MYO16: variants seen among roughly 807,000 people sequenced by gnomAD.
The protein encoded by MYO16 is myosin XVI.
A neutral mutation model predicts 205.3 loss-of-function variants in MYO16; 94 were observed. That is an observed-to-expected ratio of 0.46 (90% CI 0.39 to 0.54). The LOEUF is 0.54. Ranked by LOEUF, MYO16 falls within the 20% of genes least tolerant of loss-of-function variation. MYO16 has a pLI of 0.00. For missense variants in MYO16, 2,315 were observed against 2,387.5 expected (o/e 0.97, Z 0.63); for synonymous variants, 988 against 954.0 (o/e 1.04, Z -0.66).
upstream of MYO16, among the ~76,000 whole-genome samples, chr13:108,593,237 G>A (rs1878451293): frequency 1.3e-5 from 2 of 152,114 alleles, no homozygotes; most frequent in African/African-American, 4.8e-5. Flanking sequence ...TAAAATAAAC[G>A]AAAATGCTCA....
intron 31 of MYO16, among the ~76,000 whole-genome samples, chr13:109,137,189 C>T (rs998895975): frequency 1.3e-5 from 2 of 152,132 alleles, no homozygotes; most frequent in Non-Finnish European, 2.9e-5. Flanking sequence ...GTGTACAGGC[C>T]TGTACATGGA....
chr13:108,552,118 G>A, the MYO16 span, among the ~76,000 whole-genome samples: 1 of 152,190 alleles, frequency 6.6e-6, no homozygotes, highest in African/African-American at 2.4e-5. Flanking sequence ...TCCATGGATA[G>A]AAGGTGTTTT....
At chr13:108,647,149 A>T (rs1275352842) in intron 1 of MYO16, among the ~76,000 whole-genome samples, 1 of 151,500 alleles carries the variant, frequency 6.6e-6, no homozygotes, top group Admixed American at 6.6e-5. Flanking sequence ...CTACCTTCTG[A>T]CTCCACTTTC....
the MYO16 span, among the ~76,000 whole-genome samples, chr13:108,509,524 C>G: frequency 6.6e-6 from 1 of 152,154 alleles, no homozygotes; most frequent in African/African-American, 2.4e-5. Context: ...TCCACTCTTT[C>G]CTCATAATGT....
intron 16 of MYO16, among the ~76,000 whole-genome samples, chr13:108,927,759 C>A (rs557583323): frequency 6.6e-6 from 1 of 152,170 alleles, no homozygotes; most frequent in African/African-American, 2.4e-5. Flanking sequence ...TCAACTAACC[C>A]GAGCCATCAT....
chr13:109,192,791 T>C (rs1026713576), intron 34 of MYO16, among the ~76,000 whole-genome samples: 1 of 152,188 alleles, frequency 6.6e-6, no homozygotes, highest in Non-Finnish European at 1.5e-5. Context: ...CTGGCCTCAA[T>C]ATGAGCAAGA....
At chr13:108,917,133 C>G (rs1204526477) in intron 16 of MYO16, among the ~76,000 whole-genome samples, 2 of 152,154 alleles carry the variant, frequency 1.3e-5, no homozygotes, top group African/African-American at 4.8e-5. Flanking sequence ...ATCAGTTTTA[C>G]TTTGTATGTG....
chr13:108,877,724 G>A (rs1193736568), intron 12 of MYO16, among the ~76,000 whole-genome samples: 1 of 152,142 alleles, frequency 6.6e-6, no homozygotes, highest in Non-Finnish European at 1.5e-5. Context: ...GTAGGAATAT[G>A]TTTTAAATTG....
chr13:108,883,850 C>G (rs149636889), intron 13 of MYO16, among the ~76,000 whole-genome samples: 3 of 152,250 alleles, frequency 2.0e-5, no homozygotes, highest in Non-Finnish European at 4.4e-5. Context: ...GTCTCAAACT[C>G]CTGGGCTCAA....
chr13:109,015,476 T>A (rs888492882), intron 22 of MYO16, among the ~76,000 whole-genome samples: 2 of 152,208 alleles, frequency 1.3e-5, no homozygotes, highest in East Asian at 3.8e-4. Flanking sequence ...GCTGGCCTCA[T>A]CAAATGAGTT....
At chr13:109,018,752 A>G (rs1370979803) in intron 22 of MYO16, among the ~76,000 whole-genome samples, 1 of 152,104 alleles carries the variant, frequency 6.6e-6, no homozygotes, top group African/African-American at 2.4e-5. Flanking sequence ...AGGAAAGGGA[A>G]ATCCCCCGAC....
rs115663094 is a variant in MYO16, at chr13:108,719,534, T to A, written c.363+6803T>A. Among the ~76,000 whole-genome samples, 809 of 152,072 alleles carry A rather than the reference T, an allele frequency of 5.3e-3. 7 individuals carry two copies. Among genetic ancestry groups the A allele is most frequent in the African/African-American group, 0.019 (780 of 41,472 alleles). On this transcript the variant is annotated intron_variant, in intron 3 of 34. Coordinates refer to ENST00000457511, the MANE Select transcript of MYO16 (RefSeq NM_001198950.3). Reference sequence around the variant, plus strand: ...GCCTGCGTCATCCCCCAGTTGTAGGTTGTTGGTCCTGAGGTGAGTTCTTGT... The same window carrying A: ...GCCTGCGTCATCCCCCAGTTGTAGGATGTTGGTCCTGAGGTGAGTTCTTGT...
intron 23 of MYO16, among the ~76,000 whole-genome samples, chr13:109,027,266 C>G (rs573524039): frequency 6.6e-6 from 1 of 152,310 alleles, no homozygotes; most frequent in South Asian, 2.1e-4. Context: ...GTTCTCTCCT[C>G]TTCTCACAAA....
At chr13:108,864,147 T>C (rs535585410) in intron 11 of MYO16, among the ~76,000 whole-genome samples, 1 of 152,172 alleles carries the variant, frequency 6.6e-6, no homozygotes, top group Non-Finnish European at 1.5e-5. Context: ...TCCATTGATT[T>C]CTGCTTTGAT....
In MYO16 at chr13:109,141,551, A is replaced by T. The variant is rs1877098644; in HGVS notation, c.5164+175A>T. ...TCGTATACACCCACTGTGACCAAAT[A>T]GGTAGGAATTAATATTTCCATATTG... On this transcript the variant is annotated intron_variant, in intron 32 of 34. Transcript: ENST00000457511. The surrounding 1 kb of genome is among the most constrained non-coding windows in gnomAD (Gnocchi z 4.1). Among the ~76,000 whole-genome samples the T allele has an allele frequency of 1.3e-5, 2 of 152,318 alleles. No individual in the cohort carries two copies. The highest frequency in any genetic ancestry group is 4.1e-4 in the South Asian group (2 of 4,826).
chr13:108,886,572 C>T, intron 13 of MYO16: 1 of 444,058 alleles, frequency 2.3e-6, no homozygotes, highest in Non-Finnish European at 4.5e-6. Flanking sequence ...GAGCTTAGGG[C>T]GCAAACTGCT....
chr13:108,648,845 G>A (rs1396024055), intron 1 of MYO16, among the ~76,000 whole-genome samples: 1 of 151,950 alleles, frequency 6.6e-6, no homozygotes, highest in African/African-American at 2.4e-5. Context: ...AATGCCAGTG[G>A]CTTCATGTAT....
At chr13:108,882,826 G>T (rs1879684436) in intron 12 of MYO16, among the ~76,000 whole-genome samples, 1 of 152,188 alleles carries the variant, frequency 6.6e-6, no homozygotes, top group South Asian at 2.1e-4. Context: ...AATAATTAAA[G>T]CCTGTGGACC....
At chr13:108,608,639 T>C (rs1309857601) in intron 1 of MYO16, among the ~76,000 whole-genome samples, 9 of 117,228 alleles carry the variant, frequency 7.7e-5, no homozygotes, top group Non-Finnish European at 1.5e-4. Context: ...CTGAACCCAC[T>C]TACCCACAAA....
Sources: allele counts gnomAD v4.1 joint callset (sites outside exome capture counted in the v4.1 genomes callset), GRCh38; gene constraint gnomAD v4.1.1; non-coding constraint Gnocchi (gnomAD v3.1); transcripts MANE v1.5; gene names NCBI Gene and HGNC (gene_info 2026-07-23, HGNC 2026-07-21).